LBR: variants seen among roughly 807,000 people sequenced by gnomAD.
LBR encodes delta(14)-sterol reductase LBR.
Under a neutral mutation model 74.3 loss-of-function variants are expected in LBR, and 28 were observed. That is an observed-to-expected ratio of 0.38 (90% CI 0.28 to 0.52). The LOEUF is 0.52. LBR is among the 20% of genes least tolerant of loss of function. LBR has a pLI of 0.89. For missense variants in LBR, 717 were observed against 760.3 expected (o/e 0.94, Z 0.67); for synonymous variants, 228 against 269.3 (o/e 0.85, Z 1.50).
chr1:225,420,018 T>C (rs2096124663), intron 3 of LBR, among the ~76,000 whole-genome samples: 1 of 152,164 alleles, frequency 6.6e-6, no homozygotes, highest in Admixed American at 6.6e-5. Flanking sequence ...ACATAAAATC[T>C]TTCATCTGGC....
intron 7 of LBR, 138 bp from the exon 8 acceptor site, chr1:225,412,783 T>A (rs2096108933): frequency 1.3e-5 from 10 of 770,942 alleles, no homozygotes; most frequent in Non-Finnish European, 2.1e-5. Context: ...CACACAAATA[T>A]GCAAATAAGC....
At chr1:225,419,501 T>A in intron 4 of LBR, 49 bp from the exon 5 acceptor site, 1 of 1,284,836 alleles carries the variant, frequency 7.8e-7, no homozygotes, top group Non-Finnish European at 1.1e-6. Flanking sequence ...CAATTACCAT[T>A]AATGCTACTG....
intron 2 of LBR, among the ~76,000 whole-genome samples, chr1:225,423,118 A>T (rs79109504): frequency 3.6e-4 from 55 of 152,342 alleles, no homozygotes; most frequent in Non-Finnish European, 7.2e-4. Context: ...AAAATTGAGA[A>T]ATAGGTGTAT....
At chr1:225,409,272 G>A (rs1429981508) in intron 10 of LBR, among the ~76,000 whole-genome samples, 1 of 152,180 alleles carries the variant, frequency 6.6e-6, no homozygotes, top group Non-Finnish European at 1.5e-5. Context: ...TAATCCCACC[G>A]CTTGTAATTG....
Position 225,405,821 on chromosome 1 carries a change from C to T in LBR, c.1483+843G>A, listed in dbSNP as rs151222396. Among the ~76,000 whole-genome samples the T allele has an allele frequency of 1.8e-4, 27 of 152,342 alleles. No individual in the cohort carries two copies. The East Asian group carries it at 4.8e-3, about 27-fold the overall frequency. ...AAAATGGATGACATGGACATCCAAA[C>T]CACTGGTGAAACTAAATCTTAATTT... On this transcript the variant is annotated intron_variant, in intron 11 of 13. Coordinates refer to ENST00000272163, the MANE Select transcript of LBR (RefSeq NM_002296.4).
chr1:225,406,525 T>C (rs950390645), intron 11 of LBR, 139 bp downstream of exon 11: 6 of 714,228 alleles, frequency 8.4e-6, no homozygotes, highest in African/African-American at 1.8e-5. Flanking sequence ...AGATTTTTTA[T>C]TACTCATGAT....
intron 3 of LBR, among the ~76,000 whole-genome samples, 172 bp downstream of exon 3, chr1:225,421,905 T>C (rs1258325485): frequency 1.3e-5 from 2 of 152,268 alleles, no homozygotes; most frequent in Admixed American, 6.5e-5. Flanking sequence ...TTCTTTTCCA[T>C]TGATATTTAA....
chr1:225,414,771 A>C (rs2096113842), intron 7 of LBR, among the ~76,000 whole-genome samples: 1 of 152,266 alleles, frequency 6.6e-6, no homozygotes, highest in Non-Finnish European at 1.5e-5. Flanking sequence ...AATGTCAGAC[A>C]GAAAAACAAA....
chr1:225,409,028 T>C (rs2150947124), intron 10 of LBR, among the ~76,000 whole-genome samples: 1 of 152,368 alleles, frequency 6.6e-6, no homozygotes, highest in African/African-American at 2.4e-5. Flanking sequence ...CTGTAACCTA[T>C]ATGCTCTTTT....
chr1:225,416,925 A>AT (rs1197155226), intron 6 of LBR, among the ~76,000 whole-genome samples: 1 of 152,192 alleles, frequency 6.6e-6, no homozygotes, highest in Non-Finnish European at 1.5e-5. Context: ...GCATCCTCAG[A>AT]TTTTGGTATG....
chr1:225,419,795 G>C lies in LBR; in HGVS notation c.370C>G (p.Pro124Ala). The C allele has an allele frequency of 6.2e-7, 1 of 1,602,002 alleles. No individual in the cohort carries two copies. The highest frequency in any genetic ancestry group is 8.5e-7 in the Non-Finnish European group (1 of 1,169,600). Reference protein sequence around the residue: ...EVKLTPLILKPFGNSISRYNG... With the variant: ...EVKLTPLILKAFGNSISRYNG... ...TATCTGCTGATGCTATTTCCAAATGGCTTCTAAATTGAAGAATATAAACAT... is the reference window on the plus strand; with the variant it reads ...TATCTGCTGATGCTATTTCCAAATGCCTTCTAAATTGAAGAATATAAACAT... The change falls in exon 4 of 14, where the codon CCA (proline) becomes GCA (alanine). Residue 124 changes from proline (P) to alanine (A), a missense_variant. Transcript: ENST00000272163.
At chr1:225,410,717 T>C (rs2096103238) in intron 9 of LBR, among the ~76,000 whole-genome samples, 1 of 152,174 alleles carries the variant, frequency 6.6e-6, no homozygotes, top group African/African-American at 2.4e-5. Context: ...TTCCAAAAAG[T>C]ATCAAGGTCA....
At chr1:225,427,734 A>AGCCTCGCCCGCCGCC (rs1231474079) in intron 1 of LBR, 1 of 152,220 alleles carries the variant, frequency 6.6e-6, no homozygotes, top group Non-Finnish European at 1.5e-5. Context: ...GGCGAGCTCC[A>AGCCTCGCCCGCCGCC]GCCTCGCCCG....
intron 4 of LBR, 112 bp from the exon 5 acceptor site, chr1:225,419,564 G>T: frequency 1.0e-6 from 1 of 997,496 alleles, no homozygotes; most frequent in Non-Finnish European, 1.5e-6. Context: ...GAATAAATTT[G>T]TGAAATTATA....
chr1:225,416,711 A>G (rs2096117758), intron 6 of LBR, among the ~76,000 whole-genome samples: 1 of 152,232 alleles, frequency 6.6e-6, no homozygotes, highest in South Asian at 2.1e-4. Flanking sequence ...ACCAGATCCA[A>G]AATATTTCGG....
intron 13 of LBR, among the ~76,000 whole-genome samples, chr1:225,403,784 C>T (rs2096085848): frequency 6.6e-6 from 1 of 152,188 alleles, no homozygotes; most frequent in Admixed American, 6.5e-5. Flanking sequence ...CTGTCTTCCA[C>T]CACAGGCTGG....
intron 3 of LBR, among the ~76,000 whole-genome samples, 183 bp downstream of exon 3, chr1:225,421,894 A>T (rs2096128080): frequency 6.6e-6 from 1 of 152,236 alleles, no homozygotes; most frequent in Admixed American, 6.5e-5. Flanking sequence ...ACTGAAGGAC[A>T]TTCTTTTCCA....
At chr1:225,427,369 A>G (rs2096141756) in intron 1 of LBR, 3 of 152,302 alleles carry the variant, frequency 2.0e-5, no homozygotes. Context: ...AATTCAACGC[A>G]TAGGAGCGAG....
intron 6 of LBR, 93 bp downstream of exon 6, chr1:225,417,891 G>A: frequency 8.7e-7 from 1 of 1,145,706 alleles, no homozygotes; most frequent in Non-Finnish European, 1.3e-6. Context: ...GCTGCGGCAA[G>A]AGGATCACTT....
Sources: allele counts gnomAD v4.1 joint callset (sites outside exome capture counted in the v4.1 genomes callset), GRCh38; gene constraint gnomAD v4.1.1; transcripts MANE v1.5; gene names NCBI Gene and HGNC (gene_info 2026-07-23, HGNC 2026-07-21).